The following CCDC178 variants were observed in gnomAD, a reference collection of about 807,000 sequenced individuals.
The protein encoded by CCDC178 is coiled-coil domain-containing protein 178.
A neutral mutation model predicts 117.4 loss-of-function variants in CCDC178; 126 were observed. The ratio of observed to expected loss-of-function variants is 1.07; its 90% CI spans 0.93 to 1.24. The LOEUF is 1.24. CCDC178 is among the 50% of genes most tolerant of loss of function. The probability of loss-of-function intolerance (pLI) is 0.00; values close to 1 mark genes in which losing one functional copy is unlikely to be tolerated. For synonymous variants in CCDC178, 283 were observed against 313.4 expected, an observed-to-expected ratio of 0.90 and a Z score of 1.02; for missense variants, 1,030 against 986.9, an observed-to-expected ratio of 1.04 and a Z score of -0.59.
chr18:33,316,504 T>C (rs1017733443), intron 11 of CCDC178, among the ~76,000 whole-genome samples: 9 of 151,622 alleles, frequency 5.9e-5, no homozygotes, highest in Non-Finnish European at 1.2e-4. Flanking sequence ...TGCCCTAGCC[T>C]CCCTGACGAG....
chr18:33,230,103 G>A (rs778575950), intron 15 of CCDC178, among the ~76,000 whole-genome samples: 5 of 152,090 alleles, frequency 3.3e-5, no homozygotes, highest in South Asian at 2.1e-4. Flanking sequence ...AATAGCTCAC[G>A]TAATTTATCG....
chr18:33,277,072 CACT>C (rs1196412545), intron 12 of CCDC178, among the ~76,000 whole-genome samples: 1 of 151,954 alleles, frequency 6.6e-6, no homozygotes, highest in Non-Finnish European at 1.5e-5. Context: ...CACTTATTTC[CACT>C]ACTATTTAAC....
At chr18:33,125,459 C>T (rs922921637) in intron 20 of CCDC178, among the ~76,000 whole-genome samples, 1 of 152,034 alleles carries the variant, frequency 6.6e-6, no homozygotes, top group African/African-American at 2.4e-5. Flanking sequence ...TTAAAAAACA[C>T]CTAAATGACT....
chr18:33,322,535 G>A (rs186815420), intron 11 of CCDC178, among the ~76,000 whole-genome samples: 136 of 151,462 alleles, frequency 9.0e-4, no homozygotes, highest in African/African-American at 3.2e-3. Flanking sequence ...TTTTTCTCAC[G>A]GAAATACAAT....
intron 22 of CCDC178, among the ~76,000 whole-genome samples, chr18:32,968,048 G>A (rs1311652739): frequency 6.6e-6 from 1 of 151,460 alleles, no homozygotes; most frequent in African/African-American, 2.4e-5. Flanking sequence ...GTACATTATT[G>A]TTAACTGTAG....
At chr18:33,438,217 A>C (rs2064318972) in intron 2 of CCDC178, among the ~76,000 whole-genome samples, 1 of 152,090 alleles carries the variant, frequency 6.6e-6, no homozygotes, top group African/African-American at 2.4e-5. Flanking sequence ...CAAGCAGAGA[A>C]AGCCAGATAA....
At chr18:32,991,737 C>G (rs1380496017) in intron 21 of CCDC178, among the ~76,000 whole-genome samples, 1 of 152,116 alleles carries the variant, frequency 6.6e-6, no homozygotes, top group East Asian at 1.9e-4. Context: ...ATACCCAGTC[C>G]CAACAAAACT....
At chr18:33,218,635 A>G (rs866509067) in intron 18 of CCDC178, among the ~76,000 whole-genome samples, 73 of 152,020 alleles carry the variant, frequency 4.8e-4, no homozygotes, top group Middle Eastern at 3.4e-3. Flanking sequence ...TGTATAAGGT[A>G]TAAGGAAGGG....
At chr18:33,237,832 G>A (rs1447861912) in intron 15 of CCDC178, among the ~76,000 whole-genome samples, 1 of 151,746 alleles carries the variant, frequency 6.6e-6, no homozygotes, top group African/African-American at 2.4e-5. Flanking sequence ...ACACCTGAAG[G>A]CAGTTGAGCA....
intron 21 of CCDC178, among the ~76,000 whole-genome samples, chr18:32,989,209 A>G (rs1167097749): frequency 6.6e-6 from 1 of 152,250 alleles, no homozygotes; most frequent in African/African-American, 2.4e-5. Context: ...TGTGCAAAAT[A>G]TATGTGGCAA....
At chr18:32,940,969 A>AATAC (rs778273807) in intron 22 of CCDC178, among the ~76,000 whole-genome samples, 2 of 152,048 alleles carry the variant, frequency 1.3e-5, no homozygotes, top group Non-Finnish European at 2.9e-5. Context: ...GCAGTGTTGA[A>AATAC]ATACAGTAGG....
chr18:33,126,485 C>G (rs2058005505), intron 20 of CCDC178, among the ~76,000 whole-genome samples: 1 of 150,128 alleles, frequency 6.7e-6, no homozygotes, highest in African/African-American at 2.4e-5. Context: ...TAAAGAAATT[C>G]TAGTATCTTG....
intron 20 of CCDC178, among the ~76,000 whole-genome samples, chr18:33,179,193 C>T (rs1348148423): frequency 1.5e-5 from 2 of 133,192 alleles, no homozygotes; most frequent in Non-Finnish European, 3.1e-5. Context: ...CATATAGTAG[C>T]ATGGAAAATA....
intron 21 of CCDC178, among the ~76,000 whole-genome samples, chr18:33,007,460 T>C (rs576548837): frequency 2.0e-4 from 30 of 152,052 alleles, no homozygotes; most frequent in African/African-American, 4.8e-4. Flanking sequence ...ATCTTGTAAA[T>C]GGAAAATTCA....
rs529918907 is a variant in CCDC178 at position 32,976,547 on chromosome 18, T to C, written c.2389-1866A>G. On this transcript the variant is annotated intron_variant, in intron 21 of 22. Coordinates refer to ENST00000383096, the MANE Select transcript of CCDC178 (RefSeq NM_001105528.4). ...ATATTTAAATTAGATATTACTTCAA[T>C]TTGAAACAGTGGACAAGGCTAAAGA... Among the ~76,000 whole-genome samples the C allele has an allele frequency of 3.3e-5, 5 of 152,240 alleles. No homozygotes were observed. The East Asian group carries it at 9.6e-4, about 29-fold the overall frequency.
At chr18:33,341,335 A>C (rs1289771320) in intron 9 of CCDC178, among the ~76,000 whole-genome samples, 1 of 152,226 alleles carries the variant, frequency 6.6e-6, no homozygotes, top group Admixed American at 6.5e-5. Context: ...TTACAAGCTC[A>C]TAGGCAGAAG....
At chr18:33,230,277 T>C (rs1157324515) in intron 15 of CCDC178, among the ~76,000 whole-genome samples, 1 of 151,638 alleles carries the variant, frequency 6.6e-6, no homozygotes, top group Non-Finnish European at 1.5e-5. Flanking sequence ...TGTGTGTAAG[T>C]TAATTATCAT....
intron 10 of CCDC178, among the ~76,000 whole-genome samples, chr18:33,329,876 A>AGTGTGTGTGTGT (rs67627028): frequency 2.8e-4 from 37 of 131,444 alleles, no homozygotes; most frequent in African/African-American, 5.0e-4. Context: ...GAATTATTAG[A>AGTGTGTGTGTGT]GTGTGTGTGT....
At chr18:32,981,660 T>C (rs1342664996) in intron 21 of CCDC178, among the ~76,000 whole-genome samples, 1 of 152,226 alleles carries the variant, frequency 6.6e-6, no homozygotes, top group Non-Finnish European at 1.5e-5. Flanking sequence ...TATCCTATTA[T>C]ACGTGACCAT....
Sources: gnomAD v4.1 joint callset for allele counts (sites outside exome capture counted in the v4.1 genomes callset) on GRCh38, gnomAD v4.1.1 for gene constraint, MANE v1.5 for transcripts, NCBI Gene and HGNC (gene_info 2026-07-23, HGNC 2026-07-21) for gene names.